Variants in NRCAM observed in about 807,000 individuals in gnomAD.
NRCAM encodes NgCAM-related cell adhesion molecule.
NRCAM carries 83 observed loss-of-function variants against 156.5 expected under a neutral mutation model. The ratio of observed to expected loss-of-function variants is 0.53; its 90% CI spans 0.44 to 0.64. The LOEUF (loss-of-function observed/expected upper bound fraction) is 0.64. NRCAM is among the 30% of genes least tolerant of loss of function. The pLI is 0.00. For synonymous variants in NRCAM, 538 were observed against 563.9 expected (o/e 0.95, Z 0.65); for missense variants, 1,417 against 1,597.3 (o/e 0.89, Z 1.92).
chr7:108,231,044 A>G lies in NRCAM; in HGVS notation c.537T>C (p.Phe179=). ...ATCAAAACTTACAATTATCCATCCAAAATATTATAGGTGGTGGTAATCCAA... is the reference window on the plus strand; with the variant it reads ...ATCAAAACTTACAATTATCCATCCAGAATATTATAGGTGGTGGTAATCCAA... The part of the protein sequence containing the change: ...PPIGLPPPII[F]WMDNSFQRLP... The change falls in exon 8 of 33, where the codon TTT becomes TTC. Residue 179 remains phenylalanine, a synonymous_variant. Coordinates refer to ENST00000379028, the MANE Select transcript of NRCAM (RefSeq NM_001037132.4). The G allele has an allele frequency of 6.2e-7, 1 of 1,605,590 alleles. No individual in the cohort carries two copies. The highest frequency in any genetic ancestry group is 8.5e-7 in the Non-Finnish European group (1 of 1,173,844).
rs149808568 is a variant in NRCAM, at chr7:108,167,928, A to G, written c.3313+349T>C. ...TCTGTTACTTCAAGATCCAATTTGA[A>G]AAAAAAACCTTTTCTTCTTTTCTAT... On this transcript the variant is annotated intron_variant, in intron 29 of 32. Coordinates refer to ENST00000379028, the MANE Select transcript of NRCAM (RefSeq NM_001037132.4). 5.6e-3 allele frequency among the ~76,000 whole-genome samples: 851 copies of G among 152,286 alleles called. 7 individuals carry two copies. Among genetic ancestry groups the G allele is most frequent in the African/African-American group, 0.02 (829 of 41,568 alleles).
At chr7:108,448,859 A>T (rs1413723917) in intron 1 of NRCAM, among the ~76,000 whole-genome samples, 1 of 152,224 alleles carries the variant, frequency 6.6e-6, no homozygotes, top group Non-Finnish European at 1.5e-5. Flanking sequence ...TATTTAGGAC[A>T]GATGTATCTT....
At chr7:108,299,350 G>A (rs901308171) in intron 3 of NRCAM, among the ~76,000 whole-genome samples, 2 of 151,942 alleles carry the variant, frequency 1.3e-5, no homozygotes, top group South Asian at 2.1e-4. Flanking sequence ...CATGGGTTGA[G>A]GAAAAGGTAT....
At chr7:108,200,166 C>A (rs1350553141) in intron 13 of NRCAM, among the ~76,000 whole-genome samples, 1 of 152,278 alleles carries the variant, frequency 6.6e-6, no homozygotes, top group Non-Finnish European at 1.5e-5. Flanking sequence ...TGTCGAGATA[C>A]TTTGAATTGA....
At chr7:108,372,817 C>A (rs2099637420) in intron 2 of NRCAM, among the ~76,000 whole-genome samples, 1 of 152,096 alleles carries the variant, frequency 6.6e-6, no homozygotes, top group African/African-American at 2.4e-5. Context: ...AAAAATAGAA[C>A]TACCATATGA....
At chr7:108,228,183 G>T (rs2193253) in intron 8 of NRCAM, among the ~76,000 whole-genome samples, 39,450 of 151,840 alleles carry the variant, frequency 0.26, 5,303 homozygotes, top group Non-Finnish European at 0.28. Flanking sequence ...TTAGCCAGGC[G>T]TGGTGGTTTG....
intron 2 of NRCAM, among the ~76,000 whole-genome samples, chr7:108,334,884 G>A (rs778858493): frequency 6.6e-6 from 1 of 152,208 alleles, no homozygotes; most frequent in Non-Finnish European, 1.5e-5. Context: ...GATGAGAAAT[G>A]AGAACTAAAG....
chr7:108,319,639 G>A (rs762620108), intron 2 of NRCAM, among the ~76,000 whole-genome samples: 3 of 152,182 alleles, frequency 2.0e-5, no homozygotes, highest in Non-Finnish European at 2.9e-5. Context: ...AGGCAGGGGT[G>A]TGTGGTGCTC....
At chr7:108,209,876 CTAAT>C (rs1471983092) in intron 11 of NRCAM, among the ~76,000 whole-genome samples, 1 of 151,992 alleles carries the variant, frequency 6.6e-6, no homozygotes, top group African/African-American at 2.4e-5. Flanking sequence ...CTGATGGGGC[CTAAT>C]TATTTTTTTC....
intron 32 of NRCAM, among the ~76,000 whole-genome samples, chr7:108,157,622 A>G (rs2046324996): frequency 6.6e-6 from 1 of 152,152 alleles, no homozygotes; most frequent in African/African-American, 2.4e-5. Context: ...GATACATTGT[A>G]TAGTGGTGGG....
chr7:108,239,982 C>G lies in NRCAM; in HGVS notation c.83G>C (p.Ser28Thr). The G allele has an allele frequency of 6.2e-7, 1 of 1,611,600 alleles. No individual in the cohort carries two copies. Among genetic ancestry groups the G allele is most frequent in the Non-Finnish European group, 8.5e-7 (1 of 1,177,968 alleles). Residue 28 changes from serine (S) to threonine (T), a missense_variant, in exon 4 of 33, where the codon AGT (serine) becomes ACT (threonine). Physicochemically the swap from Ser to Thr is moderately conservative, Grantham distance 58 (BLOSUM62 1). Transcript: ENST00000379028. ...PLILFLCQMI[S>T]ALEVPLDPKL... ...ACGATCAAGAGGTACTTCCAGTGCA[C>G]TAATCATCTGGCACAGGAAGAGAAT...
intron 2 of NRCAM, among the ~76,000 whole-genome samples, chr7:108,359,020 C>G (rs1188393188): frequency 6.6e-6 from 1 of 152,160 alleles, no homozygotes; most frequent in East Asian, 1.9e-4. Flanking sequence ...TACTCACCTC[C>G]TACCATATTT....
intron 2 of NRCAM, among the ~76,000 whole-genome samples, chr7:108,338,790 A>T (rs2099239507): frequency 6.6e-6 from 1 of 152,182 alleles, no homozygotes; most frequent in African/African-American, 2.4e-5. Flanking sequence ...CTTCTCCATG[A>T]CCCTGTAACA....
At chr7:108,285,077 A>G (rs2098035977) in intron 3 of NRCAM, among the ~76,000 whole-genome samples, 2 of 152,342 alleles carry the variant, frequency 1.3e-5, no homozygotes, top group South Asian at 4.1e-4. Flanking sequence ...CAATTGATGG[A>G]CAGTGTTCTC....
At chr7:108,232,182 G>T in intron 7 of NRCAM, 144 bp downstream of exon 7, 1 of 606,248 alleles carries the variant, frequency 1.6e-6, no homozygotes, top group Non-Finnish European at 2.8e-6. Flanking sequence ...GTGGAAAGGA[G>T]CAATAACTTT....
At chr7:108,254,551 C>CTTTTTTTTTTTTTTTTT (rs71137620) in intron 3 of NRCAM, among the ~76,000 whole-genome samples, 4 of 130,334 alleles carry the variant, frequency 3.1e-5, no homozygotes, top group African/African-American at 9.3e-5. Context: ...AACAATTTTG[C>CTTTTTTTTTTTTTTTTT]TTTTTTTTTT....
chr7:108,236,103 A>G (rs758627763), intron 5 of NRCAM, among the ~76,000 whole-genome samples: 1 of 151,944 alleles, frequency 6.6e-6, no homozygotes, highest in Non-Finnish European at 1.5e-5. Flanking sequence ...CCAACCAAAC[A>G]TTTCTCAAAG....
chr7:108,331,315 C>A (rs1205746813), intron 2 of NRCAM, among the ~76,000 whole-genome samples: 2 of 151,960 alleles, frequency 1.3e-5, no homozygotes, highest in Non-Finnish European at 2.9e-5. Context: ...GTAGGAGGAT[C>A]CCTTGAGCCC....
chr7:108,246,805 G>C (rs979632904), intron 3 of NRCAM, among the ~76,000 whole-genome samples: 6 of 152,170 alleles, frequency 3.9e-5, no homozygotes, highest in African/African-American at 1.4e-4. Context: ...TCATTAATAT[G>C]GCAGGTAGAC....
Sources: gnomAD v4.1 joint callset for allele counts (sites outside exome capture counted in the v4.1 genomes callset) on GRCh38, gnomAD v4.1.1 for gene constraint, MANE v1.5 for transcripts, NCBI Gene and HGNC (gene_info 2026-07-23, HGNC 2026-07-21) for gene names.